Variants in CDK14 observed in about 807,000 individuals in gnomAD.
CDK14 encodes the protein cyclin dependent kinase 14.
CDK14 carries 34 observed loss-of-function variants against 60.7 expected under a neutral mutation model. The ratio of observed to expected loss-of-function variants is 0.56; its 90% CI spans 0.43 to 0.75. The LOEUF is 0.75. CDK14 is among the 30% of genes least tolerant of loss of function. CDK14 has a pLI of 0.00. For synonymous variants in CDK14, 197 were observed against 203.7 expected (o/e 0.97, Z 0.28); for missense variants, 482 against 564.1 (o/e 0.85, Z 1.47).
At chr7:90,750,146 G>A (rs548701027) in intron 4 of CDK14, among the ~76,000 whole-genome samples, 1 of 131,396 alleles carries the variant, frequency 7.6e-6, no homozygotes, top group South Asian at 2.5e-4. Context: ...AAGGGAAGGG[G>A]AAAGAAAACA....
At chr7:90,702,686 A>G (rs1801810914) in intron 2 of CDK14, among the ~76,000 whole-genome samples, 1 of 152,010 alleles carries the variant, frequency 6.6e-6, no homozygotes, top group South Asian at 2.1e-4. Context: ...ATTCTTTCCC[A>G]AGGGCCTGCT....
chr7:90,612,569 C>T (rs1365504847), intron 2 of CDK14, among the ~76,000 whole-genome samples: 3 of 151,886 alleles, frequency 2.0e-5, no homozygotes, highest in South Asian at 2.1e-4. Context: ...GTCAGGAGTT[C>T]GAGACCAGCC....
intron 12 of CDK14, among the ~76,000 whole-genome samples, chr7:91,092,944 T>A (rs1442817346): frequency 6.6e-6 from 1 of 152,186 alleles, no homozygotes; most frequent in African/African-American, 2.4e-5. Flanking sequence ...AAATCCCTCC[T>A]CCAATGTTTT....
intron 8 of CDK14, among the ~76,000 whole-genome samples, chr7:90,928,520 G>T (rs181443373): frequency 6.6e-6 from 1 of 152,136 alleles, no homozygotes. Flanking sequence ...TATCACCAGC[G>T]GAGGCTGCAG....
At chr7:91,131,290 G>T (rs1448610824) in intron 14 of CDK14, among the ~76,000 whole-genome samples, 2 of 151,944 alleles carry the variant, frequency 1.3e-5, no homozygotes, top group African/African-American at 4.8e-5. Context: ...TTTTGGAGAA[G>T]AATACCACTA....
At chr7:90,984,365 CAT>C in intron 10 of CDK14, 124 bp downstream of exon 10, 1 of 674,808 alleles carries the variant, frequency 1.5e-6, no homozygotes, top group Admixed American at 2.3e-5. Flanking sequence ...TTGGTTCTAA[CAT>C]ATTTTGGACC....
chr7:90,656,630 G>A (rs750726292), intron 2 of CDK14, among the ~76,000 whole-genome samples: 5 of 151,886 alleles, frequency 3.3e-5, no homozygotes, highest in African/African-American at 1.2e-4. Flanking sequence ...TGCCTGCCTC[G>A]GCCTCCCAAA....
At chr7:90,914,769 G>A (rs1015860459) in intron 7 of CDK14, among the ~76,000 whole-genome samples, 1 of 152,042 alleles carries the variant, frequency 6.6e-6, no homozygotes, top group Admixed American at 6.6e-5. Context: ...ATAGTTCTTT[G>A]GAACTACTTG....
At chr7:90,701,237 A>C (rs1029460498) in intron 2 of CDK14, among the ~76,000 whole-genome samples, 2 of 152,178 alleles carry the variant, frequency 1.3e-5, no homozygotes, top group African/African-American at 4.8e-5. Flanking sequence ...TGTAGGTGGT[A>C]TCTATAAGGA....
intron 7 of CDK14, among the ~76,000 whole-genome samples, chr7:90,914,203 T>C (rs1792997114): frequency 6.6e-6 from 1 of 152,186 alleles, no homozygotes; most frequent in African/African-American, 2.4e-5. Flanking sequence ...GCTCAACTCG[T>C]TCCTTTTGAA....
At position 90,757,321 on chromosome 7, in the gene CDK14, T is replaced by G. The variant is rs528902070; in HGVS notation, c.464+9546T>G. ...AGTTATATTTGATTAAGGTCCACCC[T>G]AATGATCTCATTTTGATTTGATTGC... is the stretch of plus-strand genomic sequence containing the variant. On this transcript the variant is annotated intron_variant, in intron 4 of 14. Transcript: ENST00000380050. Among the ~76,000 whole-genome samples, 7 of 150,938 alleles carry G rather than the reference T, an allele frequency of 4.6e-5. No individual in the cohort carries two copies. The East Asian group carries it at 1.4e-3, about 30-fold the overall frequency.
At chr7:90,740,694 C>A (rs1190746333) in intron 3 of CDK14, among the ~76,000 whole-genome samples, 1 of 152,146 alleles carries the variant, frequency 6.6e-6, no homozygotes, top group African/African-American at 2.4e-5. Flanking sequence ...TGTTATGACA[C>A]CTCTAGCAAT....
At chr7:90,979,826 A>G (rs898812120) in intron 9 of CDK14, 2 of 152,216 alleles carry the variant, frequency 1.3e-5, no homozygotes, top group African/African-American at 4.8e-5. Context: ...AATTTGTCAG[A>G]TAATGATAAA....
At chr7:90,999,415 C>T (rs928872455) in intron 10 of CDK14, among the ~76,000 whole-genome samples, 5 of 116,820 alleles carry the variant, frequency 4.3e-5, no homozygotes, top group Non-Finnish European at 9.2e-5. Flanking sequence ...GGTGAAACCC[C>T]GTCTCTACTT....
intron 4 of CDK14, among the ~76,000 whole-genome samples, chr7:90,779,501 G>A (rs1245220297): frequency 6.6e-6 from 1 of 152,076 alleles, no homozygotes; most frequent in Non-Finnish European, 1.5e-5. Context: ...TGATCTTCCT[G>A]CCCCAGCCTC....
intron 14 of CDK14, among the ~76,000 whole-genome samples, chr7:91,198,551 A>G (rs144304431): frequency 1.4e-3 from 217 of 152,314 alleles, no homozygotes; most frequent in African/African-American, 4.9e-3. Context: ...CACTGTATTT[A>G]TGTATCTTGC....
At chr7:90,987,824 G>A (rs1179726386) in intron 10 of CDK14, among the ~76,000 whole-genome samples, 2 of 152,094 alleles carry the variant, frequency 1.3e-5, no homozygotes, top group Non-Finnish European at 2.9e-5. Flanking sequence ...AGTATAAACT[G>A]CCAGAGACTC....
intron 13 of CDK14, among the ~76,000 whole-genome samples, chr7:91,115,511 A>G (rs1041864760): frequency 2.0e-5 from 3 of 152,152 alleles, no homozygotes; most frequent in South Asian, 2.1e-4. Context: ...GCTTCAACAG[A>G]TGAATTTGAG....
At position 90,984,209 on chromosome 7, in the gene CDK14, G is replaced by C; in HGVS notation, c.1009G>C (p.Asp337His). 6.2e-7 allele frequency: 1 copy of C among 1,612,336 alleles called. No homozygotes were observed. Among genetic ancestry groups the C allele is most frequent in the South Asian group, 1.1e-5 (1 of 91,058 alleles). The change falls in exon 10 of 15, where the codon GAC (aspartate) becomes CAC (histidine). Residue 337 changes from aspartate to histidine, a missense_variant. Physicochemically the swap from Asp to His is moderately conservative, Grantham distance 81. Transcript: ENST00000380050. Reference protein sequence around the residue: ...QGVAAFPGMKDIQDQLERIFL... With the variant: ...QGVAAFPGMKHIQDQLERIFL... ...AGTTGCTGCTTTTCCAGGAATGAAA[G>C]ACATTCAGGATCAACTTGAACGAAT...
Sources: gnomAD v4.1 joint callset for allele counts (sites outside exome capture counted in the v4.1 genomes callset) on GRCh38, gnomAD v4.1.1 for gene constraint, MANE v1.5 for transcripts, NCBI Gene and HGNC (gene_info 2026-07-23, HGNC 2026-07-21) for gene names.